The following XPOT variants were observed in gnomAD, a reference collection of about 807,000 sequenced individuals.
XPOT encodes exportin for tRNA, also known as exportin-T.
XPOT carries 34 observed loss-of-function variants against 128.2 expected under a neutral mutation model. The observed-to-expected ratio is 0.27, with a 90% CI of 0.20 to 0.35. XPOT has a LOEUF of 0.35. XPOT is among the 10% of genes least tolerant of loss of function. The probability of loss-of-function intolerance (pLI) is 1.00; values close to 1 mark genes in which losing one functional copy is unlikely to be tolerated. For synonymous variants in XPOT, 348 were observed against 394.3 expected, an observed-to-expected ratio of 0.88 and a Z score of 1.39; for missense variants, 838 against 1,125.3, an observed-to-expected ratio of 0.74 and a Z score of 3.65.
intron 19 of XPOT, among the ~76,000 whole-genome samples, 194 bp downstream of exon 19, chr12:64,433,797 C>T (rs2040259494): frequency 1.3e-5 from 2 of 152,052 alleles, no homozygotes; most frequent in Non-Finnish European, 2.9e-5. Context: ...GTATTCTGTT[C>T]CTTTTTCTTT....
At chr12:64,440,007 G>A (rs779772150) in intron 23 of XPOT, among the ~76,000 whole-genome samples, 2 of 151,754 alleles carry the variant, frequency 1.3e-5, no homozygotes, top group Non-Finnish European at 1.5e-5. Flanking sequence ...CAATTTTTAC[G>A]TGCACAACAC....
At chr12:64,423,995 A>C (rs1445695186) in intron 11 of XPOT, among the ~76,000 whole-genome samples, 1 of 152,110 alleles carries the variant, frequency 6.6e-6, no homozygotes, top group African/African-American at 2.4e-5. Context: ...GTATTCAGTC[A>C]TGGTATTTGC....
At chr12:64,407,778 T>G (rs986275978) in intron 1 of XPOT, among the ~76,000 whole-genome samples, 1 of 152,164 alleles carries the variant, frequency 6.6e-6, no homozygotes, top group African/African-American at 2.4e-5. Flanking sequence ...TGAGGAGTTA[T>G]TCAAAAGTGT....
At chr12:64,416,433 ATT>A (rs1198171759) in intron 3 of XPOT, among the ~76,000 whole-genome samples, 9 of 152,226 alleles carry the variant, frequency 5.9e-5, no homozygotes, top group Admixed American at 5.2e-4. Context: ...CTTACAAAGC[ATT>A]GTATTCAAGG....
intron 2 of XPOT, among the ~76,000 whole-genome samples, chr12:64,413,810 A>G (rs1213261226): frequency 6.6e-6 from 1 of 152,250 alleles, no homozygotes; most frequent in East Asian, 1.9e-4. Flanking sequence ...AGTTACAGAA[A>G]GTAATATTCT....
Position 64,424,658 on chromosome 12 carries a change from G to C in XPOT, c.1242G>C (p.Arg414Ser). ...AACAACTGAAGTTACTGTTGGACAGGCTTGCTCAAGTTTCACCAGAGTTAC... is the reference window on the plus strand; with the variant it reads ...AACAACTGAAGTTACTGTTGGACAGCCTTGCTCAAGTTTCACCAGAGTTAC... Reference protein sequence around the residue: ...YRKQLKLLLDRLAQVSPELLL... With the variant: ...YRKQLKLLLDSLAQVSPELLL... Residue 414 changes from arginine (R) to serine (S), a missense_variant, in exon 12 of 25, where the codon AGG (arginine) becomes AGC (serine). Around this residue, in one of 3 missense-constraint regions of XPOT, gnomAD observed 761 missense variants for 988.3 expected, o/e 0.77. Transcript: ENST00000332707. The C allele has an allele frequency of 6.2e-7, 1 of 1,612,710 alleles. No individual in the cohort carries two copies. Among genetic ancestry groups the C allele is most frequent in the Admixed American group, 1.7e-5 (1 of 60,012 alleles).
chr12:64,428,832 T>C (rs544386180), intron 16 of XPOT, among the ~76,000 whole-genome samples: 3 of 152,344 alleles, frequency 2.0e-5, no homozygotes, highest in Admixed American at 6.5e-5. Flanking sequence ...TAACATGCTT[T>C]TGCAAGCATA....
intron 2 of XPOT, among the ~76,000 whole-genome samples, chr12:64,413,979 A>G (rs1199315230): frequency 6.6e-6 from 1 of 152,208 alleles, no homozygotes; most frequent in Non-Finnish European, 1.5e-5. Context: ...TGTTTCTTTT[A>G]CCTCATGTCA....
chr12:64,410,190 G>T, intron 2 of XPOT, 95 bp downstream of exon 2: 1 of 1,208,302 alleles, frequency 8.3e-7, no homozygotes, highest in South Asian at 1.3e-5. Flanking sequence ...GTTTACTTTG[G>T]GTAGAAATGA....
intron 19 of XPOT, among the ~76,000 whole-genome samples, chr12:64,433,870 G>A (rs1408895104): frequency 1.3e-5 from 2 of 151,990 alleles, no homozygotes; most frequent in East Asian, 3.8e-4. Flanking sequence ...TACCAGAATT[G>A]ACCTGACAAT....
At chr12:64,422,222 T>C (rs1430395344) in intron 9 of XPOT, among the ~76,000 whole-genome samples, 1 of 152,232 alleles carries the variant, frequency 6.6e-6, no homozygotes, top group Non-Finnish European at 1.5e-5. Flanking sequence ...ATCAATATGA[T>C]ATTAGATGAA....
At chr12:64,443,648 T>C (rs1242733828) in intron 23 of XPOT, among the ~76,000 whole-genome samples, 1 of 152,074 alleles carries the variant, frequency 6.6e-6, no homozygotes, top group Non-Finnish European at 1.5e-5. Context: ...AGAGATGGGG[T>C]TCCACCATGT....
rs145512710 is a variant in XPOT at position 64,436,129 on chromosome 12, A to G, written c.2733+455A>G. 1.2e-3 allele frequency among the ~76,000 whole-genome samples: 187 copies of G among 151,802 alleles called. 1 individual carries two copies. The East Asian group carries it at 0.027, about 22-fold the overall frequency. Reference sequence around the variant, plus strand: ...CCGCCACCATGCCCGGCTGATTTTTATATTGTTAGTAGAAACAGGGTTTCA... The same window carrying G: ...CCGCCACCATGCCCGGCTGATTTTTGTATTGTTAGTAGAAACAGGGTTTCA... On this transcript the variant is annotated intron_variant, in intron 22 of 24. Transcript: ENST00000332707.
chr12:64,427,223 G>A lies in XPOT; in HGVS notation c.1668-828G>A, dbSNP rs1208902354. Among the ~76,000 whole-genome samples, 5 of 149,720 alleles carry A rather than the reference G, an allele frequency of 3.3e-5. No individual in the cohort carries two copies. In the South Asian group the frequency reaches 8.6e-4, roughly 26 times the overall value. On this transcript the variant is annotated intron_variant, in intron 15 of 24. Transcript: ENST00000332707. ...CAACCCCTGCCTCCTGGGTTGAAGC[G>A]ATTCTCCTGCCTCAGCCTACTGAGT... is the stretch of plus-strand genomic sequence containing the variant.
intron 6 of XPOT, among the ~76,000 whole-genome samples, chr12:64,419,586 G>A (rs1463161222): frequency 1.3e-5 from 2 of 152,222 alleles, no homozygotes; most frequent in African/African-American, 4.8e-5. Flanking sequence ...GGGGATTACA[G>A]GCATGAGCCA....
intron 23 of XPOT, among the ~76,000 whole-genome samples, chr12:64,442,083 G>C (rs987342150): frequency 1.3e-5 from 2 of 151,922 alleles, no homozygotes; most frequent in African/African-American, 4.8e-5. Context: ...GTAAAGTGGG[G>C]GGGGGACCCT....
In XPOT at chr12:64,433,453, C is replaced by T. The variant is rs1019233696; in HGVS notation, c.2302C>T (p.Leu768=). Residue 768 remains leucine, a synonymous_variant, in exon 19 of 25, where the codon CTG becomes TTG. Transcript: ENST00000332707. The part of the protein sequence containing the change: ...SPFLQQMFMP[L]LHAIFEVLLR... ...GTTTTTACAACAGATGTTCATGCCC[C>T]TGCTTCATGCAATTTTTGAAGTGCT... 5 of 1,599,760 alleles carry T rather than the reference C, an allele frequency of 3.1e-6. No homozygotes were observed. The highest frequency in any genetic ancestry group is 4.3e-6 in the Non-Finnish European group (5 of 1,170,822).
intron 2 of XPOT, among the ~76,000 whole-genome samples, chr12:64,412,537 C>T (rs561071324): frequency 6.6e-5 from 10 of 152,200 alleles, no homozygotes; most frequent in Non-Finnish European, 1.5e-5. Context: ...GTTTCATGGA[C>T]TGCTGTTAGA....
intron 2 of XPOT, among the ~76,000 whole-genome samples, chr12:64,410,322 A>T (rs994476518): frequency 2.0e-5 from 3 of 152,234 alleles, no homozygotes; most frequent in African/African-American, 7.2e-5. Flanking sequence ...GATTCAAGGC[A>T]GATCTTTATG....
Sources: gnomAD v4.1 joint callset for allele counts (sites outside exome capture counted in the v4.1 genomes callset) on GRCh38, gnomAD v4.1.1 for gene constraint, gnomAD v4.1.1 regional missense constraint, MANE v1.5 for transcripts, NCBI Gene and HGNC (gene_info 2026-07-23, HGNC 2026-07-21) for gene names.